The following ZFHX3 variants were observed in gnomAD, a reference collection of about 807,000 sequenced individuals.
ZFHX3 encodes the protein zinc finger homeobox 3, also known as zinc finger homeobox protein 3.
ZFHX3 carries 42 observed loss-of-function variants against 279.1 expected under a neutral mutation model. The ratio of observed to expected loss-of-function variants is 0.15; its 90% CI spans 0.12 to 0.19. The LOEUF (loss-of-function observed/expected upper bound fraction) is 0.19, where lower values mean the gene tolerates loss of function less well. ZFHX3 is among the 10% of genes least tolerant of loss of function. ZFHX3 has a pLI of 1.00. For missense variants in ZFHX3, 4,981 were observed against 4,754.0 expected, an observed-to-expected ratio of 1.05 and a Z score of -1.40; for synonymous variants, 2,293 against 1,957.8, an observed-to-expected ratio of 1.17 and a Z score of -4.52.
intron 5 of ZFHX3, among the ~76,000 whole-genome samples, chr16:73,172,032 C>T (rs930170479): frequency 6.6e-6 from 1 of 152,220 alleles, no homozygotes; most frequent in Non-Finnish European, 1.5e-5. Context: ...ATGCTGACTG[C>T]AGACCGGGTC....
chr16:73,682,928 A>AAAG (rs2053034516), intron 1 of ZFHX3, among the ~76,000 whole-genome samples: 8 of 22,104 alleles, frequency 3.6e-4, no homozygotes. Context: ...GAGAAAGAGA[A>AAAG]AGAAAGAAAG....
At chr16:73,105,305 A>G (rs1464898363) in intron 7 of ZFHX3, among the ~76,000 whole-genome samples, 1 of 147,418 alleles carries the variant, frequency 6.8e-6, no homozygotes, top group Non-Finnish European at 1.5e-5. Context: ...ATATATATAC[A>G]TATATATACA....
At chr16:73,371,101 C>T (rs2016619973) in intron 3 of ZFHX3, among the ~76,000 whole-genome samples, 1 of 151,972 alleles carries the variant, frequency 6.6e-6, no homozygotes, top group Admixed American at 6.5e-5. Flanking sequence ...GTGGGTGGAT[C>T]ACCTGAGGTC....
chr16:73,601,190 C>T (rs113165993), intron 2 of ZFHX3, among the ~76,000 whole-genome samples: 22,536 of 151,500 alleles, frequency 0.15, 2,010 homozygotes, highest in East Asian at 0.19. Flanking sequence ...CAGTGGCTCA[C>T]GCCTGTAATC....
intron 3 of ZFHX3, among the ~76,000 whole-genome samples, chr16:73,418,955 G>A (rs8060270): frequency 1.3e-5 from 2 of 152,032 alleles, no homozygotes; most frequent in Admixed American, 6.5e-5. Context: ...TCCAGATCCT[G>A]AAATCTCGTG....
At chr16:73,728,817 ACAC>A (rs1355267094) in intron 1 of ZFHX3, among the ~76,000 whole-genome samples, 1 of 34,854 alleles carries the variant, frequency 2.9e-5, no homozygotes, top group Non-Finnish European at 9.4e-5. Flanking sequence ...CCCCCTACAC[ACAC>A]ACACACACAC....
intron 3 of ZFHX3, among the ~76,000 whole-genome samples, chr16:73,386,189 CCA>C: frequency 8.3e-6 from 1 of 121,036 alleles, no homozygotes; most frequent in Non-Finnish European, 2.0e-5. Flanking sequence ...TGTTTCTCTC[CCA>C]CCGTCTCTGT....
At chr16:72,935,796 A>G (rs1960090786) in intron 3 of ZFHX3, among the ~76,000 whole-genome samples, 1 of 151,964 alleles carries the variant, frequency 6.6e-6, no homozygotes, top group Admixed American at 6.6e-5. Context: ...CTGATAGTCT[A>G]CCTAATATCC....
chr16:73,270,799 G>C (rs577507190), intron 4 of ZFHX3, among the ~76,000 whole-genome samples: 49 of 152,284 alleles, frequency 3.2e-4, no homozygotes, highest in African/African-American at 1.1e-3. Context: ...AAGCTTCAAG[G>C]CCTCAATTGC....
At chr16:73,441,248 GGA>G (rs914997306) in intron 3 of ZFHX3, among the ~76,000 whole-genome samples, 1 of 151,932 alleles carries the variant, frequency 6.6e-6, no homozygotes, top group African/African-American at 2.4e-5. Flanking sequence ...TTAGAGAGAG[GGA>G]GAGAGAGATG....
chr16:73,638,034 G>C (rs1483264323), intron 2 of ZFHX3, among the ~76,000 whole-genome samples: 3 of 152,140 alleles, frequency 2.0e-5, no homozygotes, highest in Non-Finnish European at 4.4e-5. Context: ...GTGTTAGGTA[G>C]GATACAGGGA....
At chr16:72,898,537 T>C (rs554999458) in intron 3 of ZFHX3, among the ~76,000 whole-genome samples, 52 of 152,330 alleles carry the variant, frequency 3.4e-4, no homozygotes, top group South Asian at 4.1e-4. Context: ...TAGCTGTCTA[T>C]AGGTTGTACC....
Position 72,950,393 on chromosome 16 carries a change from A to G in ZFHX3, c.3216+76T>C, listed in dbSNP as rs577893493. 4.4e-5 allele frequency: 69 copies of G among 1,561,428 alleles called. 3 individuals are homozygous for G. In the South Asian group the frequency reaches 8.0e-4, roughly 18 times the overall value. The stretch of plus-strand genomic sequence containing the variant: ...GCCAGAGACTGTCCGACTCCTCCCC[A>G]GTGCTCCCTAACTCCCCGGTGCGCA... On this transcript the variant is annotated intron_variant, in intron 3 of 9. Transcript: ENST00000268489.
At chr16:73,170,222 A>ATTTTTTTTTTTTTTTT (rs1323820575) in intron 5 of ZFHX3, among the ~76,000 whole-genome samples, 1 of 36,844 alleles carries the variant, frequency 2.7e-5, no homozygotes. Context: ...TCCTTTCACT[A>ATTTTTTTTTTTTTTTT]GTTTTTTTTT....
chr16:73,202,942 A>C (rs1297103100), intron 5 of ZFHX3, among the ~76,000 whole-genome samples: 1 of 122,064 alleles, frequency 8.2e-6, no homozygotes, highest in Non-Finnish European at 1.7e-5. Flanking sequence ...CCACGCCTTG[A>C]CATAACTTTT....
intron 1 of ZFHX3, among the ~76,000 whole-genome samples, chr16:73,753,674 G>T (rs561426855): frequency 6.6e-6 from 1 of 152,158 alleles, no homozygotes; most frequent in Non-Finnish European, 1.5e-5. Context: ...CAAATGCTTT[G>T]CTGGGCAAAG....
intron 5 of ZFHX3, among the ~76,000 whole-genome samples, chr16:72,828,167 A>G (rs2036978116): frequency 6.6e-6 from 1 of 152,208 alleles, no homozygotes; most frequent in Non-Finnish European, 1.5e-5. Context: ...TGCCTGGAAA[A>G]GTAACAAAGG....
chr16:72,890,115 G>T (rs551625484), intron 3 of ZFHX3, among the ~76,000 whole-genome samples, 153 bp from the exon 4 acceptor site: 1 of 152,320 alleles, frequency 6.6e-6, no homozygotes, highest in South Asian at 2.1e-4. Flanking sequence ...TGGTTTGGCT[G>T]TGTCCCCGCC....
chr16:73,131,601 C>A lies in ZFHX3; in HGVS notation c.-1023-507G>T, dbSNP rs529759142. Among the ~76,000 whole-genome samples, 7 of 152,296 alleles carry A rather than the reference C, an allele frequency of 4.6e-5. No individual in the cohort carries two copies. The South Asian group carries it at 1.5e-3, about 32-fold the overall frequency. On this transcript the variant is annotated intron_variant, in intron 6 of 17. Transcript: ENST00000641206. ...GTGTGAGCTGACACAGTGAGCCTCA[C>A]AGGGTGGGAGGGATATCCAGAGGAG...
Sources: gnomAD v4.1 joint callset for allele counts (sites outside exome capture counted in the v4.1 genomes callset) on GRCh38, gnomAD v4.1.1 for gene constraint, MANE v1.5 for transcripts, NCBI Gene and HGNC (gene_info 2026-07-23, HGNC 2026-07-21) for gene names.